Variants in PDE4D observed in about 807,000 individuals in gnomAD.
PDE4D encodes 3',5'-cyclic-AMP phosphodiesterase 4D.
Under a neutral mutation model 87.4 loss-of-function variants are expected in PDE4D, and 24 were observed. That is an observed-to-expected ratio of 0.27 (90% confidence interval 0.20 to 0.39). The LOEUF (loss-of-function observed/expected upper bound fraction) is 0.39. PDE4D is among the 10% of genes least tolerant of loss of function. The pLI, the probability that PDE4D is intolerant of heterozygous loss-of-function variation, is 1.00. For missense variants in PDE4D, 714 were observed against 1,041.0 expected (o/e 0.69, Z 4.32); for synonymous variants, 384 against 383.2 (o/e 1.00, Z -0.02).
intron 1 of PDE4D, among the ~76,000 whole-genome samples, chr5:60,500,163 G>GCCACA: frequency 6.6e-6 from 1 of 152,108 alleles, no homozygotes; most frequent in South Asian, 2.1e-4. Context: ...AAATTAGCTG[G>GCCACA]GTGTGGTGGC....
At chr5:60,425,326 C>A (rs941518593) in intron 1 of PDE4D, among the ~76,000 whole-genome samples, 4 of 152,094 alleles carry the variant, frequency 2.6e-5, no homozygotes, top group African/African-American at 9.7e-5. Flanking sequence ...GTACTGGTAC[C>A]AAAACAGAGA....
chr5:60,418,637 C>T (rs1372120373), intron 1 of PDE4D, among the ~76,000 whole-genome samples: 1 of 151,688 alleles, frequency 6.6e-6, no homozygotes, highest in Non-Finnish European at 1.5e-5. Flanking sequence ...TTATGGGGTA[C>T]ATGAGATGTT....
At chr5:60,311,209 A>G (rs1172396643) in intron 1 of PDE4D, among the ~76,000 whole-genome samples, 1 of 152,064 alleles carries the variant, frequency 6.6e-6, no homozygotes, top group East Asian at 1.9e-4. Flanking sequence ...TTTCGTAGAG[A>G]CGGGGTTTCT....
At chr5:60,340,814 A>G (rs2149896701) in intron 1 of PDE4D, among the ~76,000 whole-genome samples, 1 of 152,340 alleles carries the variant, frequency 6.6e-6, no homozygotes, top group African/African-American at 2.4e-5. Context: ...TGGATTTTCA[A>G]GGACATTGTC....
At chr5:59,493,899 T>C (rs1806671691) in intron 1 of PDE4D, among the ~76,000 whole-genome samples, 1 of 152,184 alleles carries the variant, frequency 6.6e-6, no homozygotes, top group Non-Finnish European at 1.5e-5. Flanking sequence ...CGTCTGAGCA[T>C]AAAACAGTGA....
intron 1 of PDE4D, among the ~76,000 whole-genome samples, chr5:60,474,147 T>TATAA (rs1748119348): frequency 1.0e-5 from 1 of 97,518 alleles, no homozygotes; most frequent in African/African-American, 6.6e-5. Flanking sequence ...TATATATATA[T>TATAA]ATAACAAAAA....
chr5:60,036,624 A>T (rs1767829748), intron 2 of PDE4D, among the ~76,000 whole-genome samples: 1 of 152,358 alleles, frequency 6.6e-6, no homozygotes, highest in East Asian at 1.9e-4. Context: ...TCACAGAATT[A>T]TGGGGAAAAA....
At chr5:59,970,981 G>C (rs970411364) in intron 3 of PDE4D, among the ~76,000 whole-genome samples, 1 of 151,526 alleles carries the variant, frequency 6.6e-6, no homozygotes, top group Non-Finnish European at 1.5e-5. Context: ...TGATAGACTG[G>C]ATTAAGAAAA....
chr5:59,717,267 A>T (rs568288040), intron 1 of PDE4D, among the ~76,000 whole-genome samples: 1 of 152,288 alleles, frequency 6.6e-6, no homozygotes, highest in African/African-American at 2.4e-5. Flanking sequence ...AAAAGCTGCC[A>T]CCATTCCTAG....
intron 1 of PDE4D, among the ~76,000 whole-genome samples, chr5:59,590,574 A>T (rs1195441870): frequency 6.6e-6 from 1 of 152,138 alleles, no homozygotes; most frequent in Non-Finnish European, 1.5e-5. Context: ...TCTCAGCCCC[A>T]TTATTTTTAT....
intron 1 of PDE4D, among the ~76,000 whole-genome samples, chr5:60,290,802 G>T (rs773199418): frequency 6.6e-6 from 1 of 152,072 alleles, no homozygotes; most frequent in Non-Finnish European, 1.5e-5. Flanking sequence ...GTGAGACCCT[G>T]TCTCAAAAAT....
chr5:59,193,951 A>G (rs769994948), intron 2 of PDE4D, among the ~76,000 whole-genome samples: 4 of 152,228 alleles, frequency 2.6e-5, no homozygotes, highest in African/African-American at 4.8e-5. Flanking sequence ...TTTGAAGGTG[A>G]TTAGCATGGA....
chr5:59,017,415 C>G (rs1434715173), intron 6 of PDE4D, among the ~76,000 whole-genome samples: 1 of 151,880 alleles, frequency 6.6e-6, no homozygotes, highest in African/African-American at 2.4e-5. Context: ...TGGAGAAGAC[C>G]GGGGGAGGTA....
intron 1 of PDE4D, among the ~76,000 whole-genome samples, chr5:60,204,992 A>G (rs1053019083): frequency 6.6e-6 from 1 of 152,176 alleles, no homozygotes; most frequent in African/African-American, 2.4e-5. Flanking sequence ...TATCTTTATT[A>G]TTATTATCTG....
rs1205199951 is a variant in PDE4D at position 59,053,638 on chromosome 5, G to GTTTTTTTT, written c.809-14668_809-14667insAAAAAAAA. ...TAAGTTTTATGAATTAAGTTGTTTT[G>GTTTTTTTT]TTTTTTGTTTTTTTTTGTTGTTGTT... On this transcript the variant is annotated intron_variant, in intron 5 of 14. Transcript: ENST00000340635. Among the ~76,000 whole-genome samples the GTTTTTTTT allele has an allele frequency of 2.6e-4, 22 of 84,654 alleles. 2 individuals carry two copies. Among genetic ancestry groups the GTTTTTTTT allele is most frequent in the East Asian group, 9.3e-4 (1 of 1,078 alleles). 55.5% of individuals were successfully genotyped at this position (84,654 alleles called of 152,430 possible). A position where few individuals can be genotyped will look rare whatever the true frequency, so the allele number is the denominator to read the frequency against.
In PDE4D at chr5:59,729,413, TC is replaced by T. The variant is rs1394079137; in HGVS notation, c.455+163754del. Among the ~76,000 whole-genome samples, 15 of 152,100 alleles carry T rather than the reference TC, an allele frequency of 9.9e-5. 1 individual carries two copies. The highest frequency in any genetic ancestry group is 6.6e-4 in the Admixed American group (10 of 15,246). ...AGCACGATTCATTATTCTGACATGA[TC>T]TTTACCATTTTTAAAATTTATAATA... On this transcript the variant is annotated intron_variant, in intron 1 of 14. Coordinates refer to ENST00000340635, the MANE Select transcript of PDE4D (RefSeq NM_001104631.2).
intron 2 of PDE4D, among the ~76,000 whole-genome samples, chr5:60,108,762 C>G (rs192822246): frequency 2.4e-4 from 37 of 152,118 alleles, no homozygotes; most frequent in African/African-American, 5.8e-4. Flanking sequence ...AATGGGGAAA[C>G]GATTCCCTAT....
chr5:60,316,544 G>C (rs941907609), intron 1 of PDE4D, among the ~76,000 whole-genome samples: 21 of 152,184 alleles, frequency 1.4e-4, no homozygotes, highest in Non-Finnish European at 2.5e-4. Context: ...TGGTGAGAGA[G>C]GGCATCCCTC....
At position 59,762,854 on chromosome 5, in the gene PDE4D, GATATATATATAT is replaced by G. The variant is rs35979900; in HGVS notation, c.455+130302_455+130313del. Among the ~76,000 whole-genome samples the G allele has an allele frequency of 1.8e-3, 93 of 51,690 alleles. 2 individuals are homozygous for G. The highest frequency in any genetic ancestry group is 5.1e-3 in the African/African-American group (70 of 13,808). The allele number at this position is 51,690 out of a possible 152,430, so 33.9% of individuals were successfully genotyped here. A position where few individuals can be genotyped will look rare whatever the true frequency, so the allele number is the denominator to read the frequency against. ...ACTAAAAAAGAGCAAACTGCTTAAG[GATATATATATAT>G]ATATATATATATATATATATATATA... On this transcript the variant is annotated intron_variant, in intron 1 of 14. Transcript: ENST00000340635.
Sources: gnomAD v4.1 joint callset for allele counts (sites outside exome capture counted in the v4.1 genomes callset) on GRCh38, gnomAD v4.1.1 for gene constraint, MANE v1.5 for transcripts, NCBI Gene and HGNC (gene_info 2026-07-23, HGNC 2026-07-21) for gene names.